ZNF804B: variants seen among roughly 807,000 people sequenced by gnomAD.
The protein encoded by ZNF804B is zinc finger protein 804B, also known as zinc finger 804B.
A neutral mutation model predicts 101.4 loss-of-function variants in ZNF804B; 80 were observed. That is an observed-to-expected ratio of 0.79 (90% CI 0.66 to 0.95). The LOEUF is 0.95. Ranked by LOEUF, ZNF804B falls within the 40% of genes least tolerant of loss-of-function variation. The pLI, the probability that ZNF804B is intolerant of heterozygous loss-of-function variation, is 0.00. For missense variants in ZNF804B, 1,673 were observed against 1,561.9 expected, an observed-to-expected ratio of 1.07 and a Z score of -1.20; for synonymous variants, 622 against 558.8, an observed-to-expected ratio of 1.11 and a Z score of -1.59.
chr7:89,103,057 T>G (rs1428559580), intron 1 of ZNF804B, among the ~76,000 whole-genome samples: 4 of 71,882 alleles, frequency 5.6e-5, no homozygotes, highest in South Asian at 5.3e-4. Context: ...TGTTTTTTTT[T>G]TTTTTTTTTT....
chr7:89,213,326 G>A (rs530756311), intron 1 of ZNF804B, among the ~76,000 whole-genome samples: 1 of 152,244 alleles, frequency 6.6e-6, no homozygotes, highest in African/African-American at 2.4e-5. Context: ...ACGAGTTAGA[G>A]AATATTAGAA....
chr7:89,183,080 G>T (rs13228264), intron 1 of ZNF804B, among the ~76,000 whole-genome samples: 3 of 151,894 alleles, frequency 2.0e-5, no homozygotes, highest in African/African-American at 7.3e-5. Context: ...AAAAGTGACC[G>T]GAGAAGGCTA....
chr7:88,989,956 T>A (rs1301059920), intron 1 of ZNF804B, among the ~76,000 whole-genome samples: 1 of 152,070 alleles, frequency 6.6e-6, no homozygotes, highest in African/African-American at 2.4e-5. Context: ...CCCTTCTATC[T>A]ATAATTTTTT....
chr7:88,886,952 A>G (rs1263535061), intron 1 of ZNF804B, among the ~76,000 whole-genome samples: 2 of 151,914 alleles, frequency 1.3e-5, no homozygotes, highest in Non-Finnish European at 2.9e-5. Context: ...ATAGAAAATG[A>G]TATACAGTTC....
intron 1 of ZNF804B, among the ~76,000 whole-genome samples, chr7:88,953,379 C>G (rs1159292489): frequency 6.6e-6 from 1 of 151,756 alleles, no homozygotes; most frequent in Non-Finnish European, 1.5e-5. Flanking sequence ...TCACTACTCT[C>G]TCTAAATAAC....
intron 1 of ZNF804B, among the ~76,000 whole-genome samples, chr7:89,123,285 A>C (rs1790431842): frequency 6.6e-6 from 1 of 152,096 alleles, no homozygotes; most frequent in South Asian, 2.1e-4. Flanking sequence ...GAAGACAAGC[A>C]ATTAAAATAA....
At chr7:88,852,478 C>G (rs774559694) in intron 1 of ZNF804B, among the ~76,000 whole-genome samples, 1 of 152,040 alleles carries the variant, frequency 6.6e-6, no homozygotes, top group Admixed American at 6.6e-5. Flanking sequence ...GTTCTGCTGC[C>G]CAATCCTTGT....
intron 1 of ZNF804B, among the ~76,000 whole-genome samples, chr7:88,898,183 T>A (rs1387040946): frequency 2.1e-5 from 3 of 140,584 alleles, no homozygotes; most frequent in Non-Finnish European, 4.5e-5. Flanking sequence ...GCCTCCCGGG[T>A]TCACGCCATT....
At chr7:89,009,090 C>T (rs887262809) in intron 1 of ZNF804B, among the ~76,000 whole-genome samples, 4 of 152,102 alleles carry the variant, frequency 2.6e-5, no homozygotes, top group Non-Finnish European at 5.9e-5. Context: ...TCCACATTTG[C>T]TTGACATGTG....
At chr7:88,909,935 A>G (rs527932169) in intron 1 of ZNF804B, among the ~76,000 whole-genome samples, 1 of 152,000 alleles carries the variant, frequency 6.6e-6, no homozygotes, top group East Asian at 1.9e-4. Flanking sequence ...TTGGTAAATA[A>G]TAGCCTCTTT....
intron 1 of ZNF804B, among the ~76,000 whole-genome samples, chr7:88,842,062 C>T (rs1307733848): frequency 6.6e-6 from 1 of 152,162 alleles, no homozygotes; most frequent in Non-Finnish European, 1.5e-5. Flanking sequence ...TATACTTTTT[C>T]ATTAAATGAT....
chr7:88,810,618 G>C (rs953719456), intron 1 of ZNF804B, among the ~76,000 whole-genome samples: 1 of 151,682 alleles, frequency 6.6e-6, no homozygotes, highest in East Asian at 1.9e-4. Flanking sequence ...AGCTGTGATT[G>C]CTTCACTGCA....
At chr7:88,788,265 A>G (rs1412236956) in intron 1 of ZNF804B, among the ~76,000 whole-genome samples, 1 of 152,116 alleles carries the variant, frequency 6.6e-6, no homozygotes, top group Non-Finnish European at 1.5e-5. Flanking sequence ...TCATGGCAAC[A>G]AGGCCCTACA....
At chr7:88,780,785 A>C (rs1008635780) in intron 1 of ZNF804B, among the ~76,000 whole-genome samples, 2 of 152,192 alleles carry the variant, frequency 1.3e-5, no homozygotes, top group Non-Finnish European at 2.9e-5. Flanking sequence ...AGTGAAGCAA[A>C]TACTTTTCAA....
At chr7:89,143,426 C>G (rs1790745416) in intron 1 of ZNF804B, among the ~76,000 whole-genome samples, 2 of 151,830 alleles carry the variant, frequency 1.3e-5, no homozygotes, top group African/African-American at 2.4e-5. Flanking sequence ...TCTTTTCTTA[C>G]CCGCTCCCAG....
At chr7:89,264,638 T>G (rs1789757322) in intron 2 of ZNF804B, among the ~76,000 whole-genome samples, 1 of 152,172 alleles carries the variant, frequency 6.6e-6, no homozygotes, top group Non-Finnish European at 1.5e-5. Flanking sequence ...AGGAGTATAA[T>G]CCAAGGTTCT....
intron 2 of ZNF804B, among the ~76,000 whole-genome samples, chr7:89,248,650 A>G (rs1167390322): frequency 6.6e-6 from 1 of 152,148 alleles, no homozygotes; most frequent in Non-Finnish European, 1.5e-5. Flanking sequence ...TTCTAAATAG[A>G]GAAACAAAAG....
chr7:89,201,233 A>T (rs561394197), intron 1 of ZNF804B, among the ~76,000 whole-genome samples: 1 of 152,100 alleles, frequency 6.6e-6, no homozygotes, highest in Non-Finnish European at 1.5e-5. Flanking sequence ...GAGGACACAG[A>T]TTCCAACCCA....
chr7:89,160,445 C>A (rs1000487852), intron 1 of ZNF804B, among the ~76,000 whole-genome samples: 8 of 152,120 alleles, frequency 5.3e-5, no homozygotes, highest in Non-Finnish European at 1.2e-4. Flanking sequence ...GTCTAAGTAA[C>A]CTTAACTAAA....
Sources: gnomAD v4.1 joint callset for allele counts (sites outside exome capture counted in the v4.1 genomes callset) on GRCh38, gnomAD v4.1.1 for gene constraint, MANE v1.5 for transcripts, NCBI Gene and HGNC (gene_info 2026-07-23, HGNC 2026-07-21) for gene names.